Variants in EIF5A2 observed in about 807,000 individuals in gnomAD.
EIF5A2 encodes the protein eukaryotic translation initiation factor 5A-2.
A neutral mutation model predicts 16.4 loss-of-function variants in EIF5A2; 15 were observed. The ratio of observed to expected loss-of-function variants is 0.92; its 90% confidence interval spans 0.61 to 1.41. The LOEUF (loss-of-function observed/expected upper bound fraction) is 1.41, where lower values mean the gene tolerates loss of function less well. Ranked by LOEUF, EIF5A2 falls within the 40% of genes most tolerant of loss-of-function variation. The pLI, the probability that EIF5A2 is intolerant of heterozygous loss-of-function variation, is 0.00. For synonymous variants in EIF5A2, 48 were observed against 61.1 expected, an observed-to-expected ratio of 0.79 and a Z score of 1.00; for missense variants, 144 against 189.5, an observed-to-expected ratio of 0.76 and a Z score of 1.41.
At chr3:170,907,607 G>C (rs761575202) in intron 2 of EIF5A2, 35 bp downstream of exon 2, 1 of 1,535,072 alleles carries the variant, frequency 6.5e-7, no homozygotes, top group South Asian at 1.2e-5. Flanking sequence ...AAGTCCCAAC[G>C]CCGAAGCCAA....
At chr3:170,904,365 G>A (rs921618472) in intron 3 of EIF5A2, among the ~76,000 whole-genome samples, 2 of 152,138 alleles carry the variant, frequency 1.3e-5, no homozygotes, top group African/African-American at 4.8e-5. Context: ...TGCCGAACTG[G>A]CACTCAAAAT....
In EIF5A2 at chr3:170,900,722, A is replaced by T. The variant is rs1712788196; in HGVS notation, c.270+6267T>A. On this transcript the variant is annotated intron_variant, in intron 3 of 4. Coordinates refer to ENST00000295822, the MANE Select transcript of EIF5A2 (RefSeq NM_020390.6). The stretch of plus-strand genomic sequence containing the variant: ...GATGCTAGGAACCAATTTATTTTAT[A>T]AACTGTACCTTAAAGGGAAAGAGTC... Among the ~76,000 whole-genome samples the T allele has an allele frequency of 2.6e-5, 4 of 152,348 alleles. No homozygotes were observed. The South Asian group carries it at 6.2e-4, about 24-fold the overall frequency.
At chr3:170,893,531 G>T in intron 4 of EIF5A2, 112 bp from the exon 5 acceptor site, 1 of 1,104,354 alleles carries the variant, frequency 9.1e-7, no homozygotes, top group Non-Finnish European at 1.3e-6. Context: ...ATGGACTTCT[G>T]AAAGGGGTAT....
chr3:170,893,717 C>T (rs1307496560), intron 4 of EIF5A2, among the ~76,000 whole-genome samples: 1 of 152,220 alleles, frequency 6.6e-6, no homozygotes, highest in Admixed American at 6.5e-5. Flanking sequence ...TAACATTCCA[C>T]TAGCATCATT....
At chr3:170,895,046 AAG>A (rs1374804535) in intron 3 of EIF5A2, among the ~76,000 whole-genome samples, 3 of 151,132 alleles carry the variant, frequency 2.0e-5, no homozygotes, top group Admixed American at 6.6e-5. Flanking sequence ...AAAAAAAAAA[AAG>A]AGATATTATA....
rs1457216359 is a variant in EIF5A2 at position 170,904,465 on chromosome 3, A to G, written c.270+2524T>C. Among the ~76,000 whole-genome samples the G allele has an allele frequency of 2.0e-5, 3 of 152,318 alleles. No individual in the cohort carries two copies. In the East Asian group the frequency reaches 5.8e-4, roughly 29 times the overall value. On this transcript the variant is annotated intron_variant, in intron 3 of 4. Transcript: ENST00000295822. The stretch of plus-strand genomic sequence containing the variant: ...CTTGGTTAGGTAAGTGAAGACCACC[A>G]TAGCACAATAAATATAAATAGAAAG...
chr3:170,894,179 C>T, intron 4 of EIF5A2, 113 bp downstream of exon 4: 2 of 1,192,544 alleles, frequency 1.7e-6, no homozygotes, highest in South Asian at 3.2e-5. Context: ...TCATTTTCAA[C>T]ATTTTAGCAG....
At chr3:170,894,468 A>C (rs769879289) in intron 3 of EIF5A2, 45 bp from the exon 4 acceptor site, 2 of 1,582,594 alleles carry the variant, frequency 1.3e-6, no homozygotes, top group Non-Finnish European at 1.7e-6. Flanking sequence ...GATTATATCC[A>C]CTTCTGTGTA....
At chr3:170,899,386 A>G (rs1046894155) in intron 3 of EIF5A2, among the ~76,000 whole-genome samples, 2 of 151,524 alleles carry the variant, frequency 1.3e-5, no homozygotes, top group Non-Finnish European at 2.9e-5. Flanking sequence ...TACAACCACT[A>G]TGCCTGTTGG....
Position 170,891,976 on chromosome 3 carries a change from A to G in EIF5A2, c.*1384T>C, listed in dbSNP as rs1712545885. ...ATATACTTAAAATAACTTAACTTAA[A>G]TAATAATATTCATATAAAGTAATGC... On this transcript the variant is annotated 3_prime_UTR_variant, in exon 5 of 5. Transcript: ENST00000295822. The G allele has an allele frequency of 6.6e-6, 1 of 152,632 alleles. No homozygotes were observed. Among genetic ancestry groups the G allele is most frequent in the Non-Finnish European group, 1.5e-5 (1 of 68,036 alleles). 9.5% of individuals were successfully genotyped at this position (152,632 alleles called of 1,614,324 possible). A position where few individuals can be genotyped will look rare whatever the true frequency, so the allele number is the denominator to read the frequency against.
At position 170,907,630 on chromosome 3, in the gene EIF5A2, A is replaced by C. The variant is rs767901573; in HGVS notation, c.165+12T>G. ...ACGCCGAAGCCAAAGCCTGATCTGC[A>C]AGGGTACTTACCTTGGCATGACCAT... On this transcript the variant is annotated intron_variant, in intron 2 of 4. Transcript: ENST00000295822. 6.3e-6 allele frequency: 10 copies of C among 1,575,518 alleles called. No homozygotes were observed. In the South Asian group the frequency reaches 1.1e-4, roughly 18 times the overall value.
rs1712940774 is a variant in EIF5A2, at chr3:170,906,583, T to G, written c.270+406A>C. ...CAAAAACTTGGTAGGAACATGAATTTCAGTAGTTTCTTGAATGTCTCAGGT... is the reference window on the plus strand; with the variant it reads ...CAAAAACTTGGTAGGAACATGAATTGCAGTAGTTTCTTGAATGTCTCAGGT... On this transcript the variant is annotated intron_variant, in intron 3 of 4. Transcript: ENST00000295822. Among the ~76,000 whole-genome samples the G allele has an allele frequency of 2.6e-5, 4 of 152,182 alleles. No homozygotes were observed. In the South Asian group the frequency reaches 8.3e-4, roughly 31 times the overall value.
intron 3 of EIF5A2, among the ~76,000 whole-genome samples, chr3:170,894,862 T>TA (rs1299682899): frequency 6.6e-6 from 1 of 151,270 alleles, no homozygotes; most frequent in Non-Finnish European, 1.5e-5. Context: ...CCATCTCTAC[T>TA]AAAAATACAA....
chr3:170,894,521 G>C, intron 3 of EIF5A2, 98 bp from the exon 4 acceptor site: 1 of 958,696 alleles, frequency 1.0e-6, no homozygotes, highest in Non-Finnish European at 1.5e-6. Context: ...ATTCATATAA[G>C]TATACAGTAA....
chr3:170,898,691 C>G (rs970507653), intron 3 of EIF5A2, among the ~76,000 whole-genome samples: 1 of 152,094 alleles, frequency 6.6e-6, no homozygotes, highest in Admixed American at 6.5e-5. Context: ...CTAATACAAT[C>G]TTTTAAATTG....
At chr3:170,908,278 C>G (rs1712994206) in intron 1 of EIF5A2, among the ~76,000 whole-genome samples, 1 of 152,188 alleles carries the variant, frequency 6.6e-6, no homozygotes, top group African/African-American at 2.4e-5. Flanking sequence ...TGCTAGCTGG[C>G]GCGCACCCCG....
At chr3:170,893,997 C>T (rs1712602726) in intron 4 of EIF5A2, among the ~76,000 whole-genome samples, 1 of 151,478 alleles carries the variant, frequency 6.6e-6, no homozygotes, top group African/African-American at 2.4e-5. Context: ...CGCCACTGCA[C>T]TCCAGCCTGG....
Position 170,889,460 on chromosome 3 carries a change from C to T in EIF5A2, c.*3900G>A, listed in dbSNP as rs1043590777. On this transcript the variant is annotated 3_prime_UTR_variant, in exon 5 of 5. Transcript: ENST00000295822. ...TTGTCTCAATTTTTAAGGTTTTCCA[C>T]CATAAATTTTTCTTAAATCTTTGTT... is the stretch of plus-strand genomic sequence containing the variant. The T allele has an allele frequency of 6.6e-6, 1 of 152,122 alleles. No individual in the cohort carries two copies. The highest frequency in any genetic ancestry group is 2.4e-5 in the African/African-American group (1 of 41,384). The allele number at this position is 152,122 out of a possible 1,614,324, so 9.4% of individuals were successfully genotyped here.
chr3:170,907,147 T>C, intron 2 of EIF5A2, 54 bp from the exon 3 acceptor site: 1 of 1,177,458 alleles, frequency 8.5e-7, no homozygotes, highest in South Asian at 1.3e-5. Context: ...TATCACTCAT[T>C]ACACACACAA....
Sources: gnomAD v4.1 joint callset for allele counts (sites outside exome capture counted in the v4.1 genomes callset) on GRCh38, gnomAD v4.1.1 for gene constraint, MANE v1.5 for transcripts, NCBI Gene and HGNC (gene_info 2026-07-23, HGNC 2026-07-21) for gene names.